The following TMEM63A variants were observed in gnomAD, a reference collection of about 807,000 sequenced individuals.
TMEM63A encodes transmembrane protein 63A.
Under a neutral mutation model 100.6 loss-of-function variants are expected in TMEM63A, and 76 were observed. The ratio of observed to expected loss-of-function variants is 0.76; its 90% confidence interval spans 0.63 to 0.91. The LOEUF (loss-of-function observed/expected upper bound fraction) is 0.91. Ranked by LOEUF, TMEM63A falls within the 40% of genes least tolerant of loss-of-function variation. TMEM63A has a pLI of 0.00. For missense variants in TMEM63A, 876 were observed against 1,008.8 expected, an observed-to-expected ratio of 0.87 and a Z score of 1.78; for synonymous variants, 401 against 401.1, an observed-to-expected ratio of 1.00 and a Z score of 0.00.
At chr1:225,850,744 C>T (rs1189534130) in intron 20 of TMEM63A, among the ~76,000 whole-genome samples, 1 of 152,146 alleles carries the variant, frequency 6.6e-6, no homozygotes, top group Non-Finnish European at 1.5e-5. Context: ...GAGACAGAGT[C>T]TCTGTTGCCC....
At chr1:225,849,101 T>G (rs565505276) in intron 21 of TMEM63A, 89 bp from the exon 22 acceptor site, 1 of 1,019,552 alleles carries the variant, frequency 9.8e-7, no homozygotes, top group East Asian at 2.7e-5. Context: ...GCACCTGGTG[T>G]GGAAACTGCC....
chr1:225,853,164 T>C lies in TMEM63A; in HGVS notation c.1798-395A>G, dbSNP rs1355524697. Among the ~76,000 whole-genome samples, 1 of 152,010 alleles carries C rather than the reference T, an allele frequency of 6.6e-6. No homozygotes were observed. The highest frequency in any genetic ancestry group is 6.6e-5 in the Admixed American group (1 of 15,260). Reference sequence around the variant, plus strand: ...GCTCATAAGGGGGCTGAGAATGAAATGAAGGAATGCAGCACTTCTCCCACT... The same window carrying C: ...GCTCATAAGGGGGCTGAGAATGAAACGAAGGAATGCAGCACTTCTCCCACT... On this transcript the variant is annotated intron_variant, in intron 19 of 24. Coordinates refer to ENST00000366835, the MANE Select transcript of TMEM63A (RefSeq NM_014698.3). This position sits in a 1 kb window ranked among gnomAD's most constrained non-coding sequence, Gnocchi z 4.0.
chr1:225,844,600 C>A, downstream of TMEM63A: 1 of 1,614,172 alleles, frequency 6.2e-7, no homozygotes, highest in South Asian at 1.1e-5. Context: ...TGGGACAGGG[C>A]TGGATGACCC....
rs1338929780 is a variant in TMEM63A at position 225,853,716 on chromosome 1, C to CA, written c.1709dup (p.Met570IlefsTer24). On this transcript the variant is annotated frameshift_variant, in exon 19 of 25. Coordinates refer to ENST00000366835, the MANE Select transcript of TMEM63A (RefSeq NM_014698.3). LOFTEE classifies it high-confidence loss of function. This position sits in a 1 kb window ranked among gnomAD's most constrained non-coding sequence, Gnocchi z 4.0. Reference sequence around the variant, plus strand: ...TGAGACCTGGCAGCCGCAGCAGCTCCATGCCATTGCCGATGAAGGCCGAGG... The same window carrying CA: ...TGAGACCTGGCAGCCGCAGCAGCTCCAATGCCATTGCCGATGAAGGCCGAGG... The CA allele has an allele frequency of 6.2e-7, 1 of 1,600,300 alleles. No homozygotes were observed. Among genetic ancestry groups the CA allele is most frequent in the Non-Finnish European group, 8.5e-7 (1 of 1,173,508 alleles).
Position 225,856,921 on chromosome 1 carries a change from G to A in TMEM63A, c.1474C>T (p.His492Tyr), listed in dbSNP as rs753026260. 6.2e-7 allele frequency: 1 copy of A among 1,610,944 alleles called. No individual in the cohort carries two copies. The highest frequency in any genetic ancestry group is 1.3e-5 in the African/African-American group (1 of 74,706). Reference sequence around the variant, plus strand: ...CTCCCGGGCACTCACTTGGTCCAGTGAGACTCCAGCAGTGTAGAGTAGTAG... The same window carrying A: ...CTCCCGGGCACTCACTTGGTCCAGTAAGACTCCAGCAGTGTAGAGTAGTAG... Reference protein sequence around the residue: ...IVYYSTLLESHWTKSGENQIM... With the variant: ...IVYYSTLLESYWTKSGENQIM... Residue 492 changes from histidine (H) to tyrosine (Y), a missense_variant, in exon 16 of 25, where the codon CAC becomes TAC. This residue lies in a region of TMEM63A where 487 missense variants were observed against 581.9 expected (regional missense o/e 0.84). Transcript: ENST00000366835.
In TMEM63A at chr1:225,856,066, G is replaced by A. The variant is rs1669596425; in HGVS notation, c.1572-126C>T. The A allele has an allele frequency of 1.2e-5, 11 of 919,798 alleles. No homozygotes were observed. In the South Asian group the frequency reaches 1.8e-4, roughly 15 times the overall value. 57.0% of individuals were successfully genotyped at this position (919,798 alleles called of 1,614,324 possible). ...GAGATTGACTTTTGTTCTCAACGATGCCACTTACTACGGCATGACCTGTCA... is the reference window on the plus strand; with the variant it reads ...GAGATTGACTTTTGTTCTCAACGATACCACTTACTACGGCATGACCTGTCA... On this transcript the variant is annotated intron_variant, in intron 17 of 24. Coordinates refer to ENST00000366835, the MANE Select transcript of TMEM63A (RefSeq NM_014698.3).
rs1424389534 is a variant in TMEM63A, at chr1:225,879,279, C to G, written c.-74G>C. 1.3e-5 allele frequency: 2 copies of G among 152,244 alleles called. No individual in the cohort carries two copies. The highest frequency in any genetic ancestry group is 4.8e-5 in the African/African-American group (2 of 41,428). 9.4% of individuals were successfully genotyped at this position (152,244 alleles called of 1,614,324 possible). On this transcript the variant is annotated 5_prime_UTR_variant, in exon 2 of 25. Coordinates refer to ENST00000366835, the MANE Select transcript of TMEM63A (RefSeq NM_014698.3). The stretch of plus-strand genomic sequence containing the variant: ...CCGTTGGAGAGGTCCTCAGTTGGAG[C>G]TGTCTCTGGCAAAGGCAAAAGCAGC...
downstream of TMEM63A, chr1:225,845,099 G>A (rs1315403553): frequency 5.0e-6 from 8 of 1,602,796 alleles, no homozygotes; most frequent in South Asian, 7.7e-5. Flanking sequence ...AGGACGGAGG[G>A]GCGCAGGGCC....
Position 225,862,882 on chromosome 1 carries a change from C to T in TMEM63A, c.747-31G>A, listed in dbSNP as rs781776489. 1.9e-6 allele frequency: 3 copies of T among 1,608,172 alleles called. No individual in the cohort carries two copies. Among genetic ancestry groups the T allele is most frequent in the Non-Finnish European group, 2.5e-6 (3 of 1,176,598 alleles). On this transcript the variant is annotated intron_variant, in intron 10 of 24. Coordinates refer to ENST00000366835, the MANE Select transcript of TMEM63A (RefSeq NM_014698.3). The surrounding 1 kb of genome is among the most constrained non-coding windows in gnomAD (Gnocchi z 5.1). The stretch of plus-strand genomic sequence containing the variant: ...GCCAGGGAGAGAAGGAGGCAAAAGA[C>T]ACCGTTGGAAAAGAAAACACCCCAA...
intron 6 of TMEM63A, among the ~76,000 whole-genome samples, chr1:225,869,765 C>T (rs1559048037): frequency 2.0e-5 from 3 of 148,658 alleles, no homozygotes; most frequent in South Asian, 2.1e-4. Flanking sequence ...CGGTTTCAAG[C>T]GATTCTCCTG....
Position 225,867,505 on chromosome 1 carries a change from T to C in TMEM63A, c.515-342A>G, listed in dbSNP as rs1277041053. 6.6e-6 allele frequency among the ~76,000 whole-genome samples: 1 copy of C among 152,244 alleles called. No individual in the cohort carries two copies. The highest frequency in any genetic ancestry group is 2.4e-5 in the African/African-American group (1 of 41,468). The stretch of plus-strand genomic sequence containing the variant: ...TGGTGGCATTTTGGAAGGTGGATTC[T>C]TGCAGTTGCCCTTAGATATAATGCC... On this transcript the variant is annotated intron_variant, in intron 7 of 24. Coordinates refer to ENST00000366835, the MANE Select transcript of TMEM63A (RefSeq NM_014698.3). This position sits in a 1 kb window ranked among gnomAD's most constrained non-coding sequence, Gnocchi z 4.6.
downstream of TMEM63A, chr1:225,844,767 T>G (rs1281451107): frequency 1.5e-6 from 2 of 1,365,802 alleles, no homozygotes; most frequent in Non-Finnish European, 2.0e-6. Flanking sequence ...ATGGGAACAC[T>G]AAAGGTCGAG....
intron 13 of TMEM63A, chr1:225,861,230 C>T (rs1480172433): frequency 1.1e-5 from 4 of 368,456 alleles, no homozygotes. Context: ...TCCCATTTTA[C>T]AGATAAGGAA....
At chr1:225,844,450 C>G (rs1668738937), downstream of TMEM63A, 1 of 1,603,742 alleles carries the variant, frequency 6.2e-7, no homozygotes, top group South Asian at 1.1e-5. Context: ...CTTTGTCACA[C>G]AACTGCATGT....
chr1:225,845,431 A>G (rs553619695), downstream of TMEM63A: 24 of 1,439,174 alleles, frequency 1.7e-5, no homozygotes, highest in African/African-American at 3.2e-4. Context: ...TTTCTGAGGA[A>G]TGAGTTTGCC....
intron 17 of TMEM63A, 128 bp downstream of exon 17, chr1:225,856,524 G>A: frequency 1.2e-6 from 1 of 831,650 alleles, no homozygotes; most frequent in Non-Finnish European, 1.9e-6. Context: ...CACGCCGAGT[G>A]GTTGCGACAG....
In TMEM63A at chr1:225,874,315, C is replaced by A. The variant is rs371902873; in HGVS notation, c.239G>T (p.Arg80Leu). The A allele has an allele frequency of 3.7e-6, 6 of 1,614,014 alleles. No individual in the cohort carries two copies. The highest frequency in any genetic ancestry group is 5.1e-6 in the Non-Finnish European group (6 of 1,180,004). The change falls in exon 4 of 25, where the codon CGC becomes CTC. Residue 80 changes from arginine (R) to leucine (L), a missense_variant. Physicochemically the swap from Arg to Leu is moderately radical, Grantham distance 102. Coordinates refer to ENST00000366835, the MANE Select transcript of TMEM63A (RefSeq NM_014698.3). ...IIRRRFWDYG[R>L]IALVSEADSE... Reference sequence around the variant, plus strand: ...GTCTGCTTCTGACACCAGGGCAATGCGGCCATAGTCCCAGAATCTTCTTCT... The same window carrying A: ...GTCTGCTTCTGACACCAGGGCAATGAGGCCATAGTCCCAGAATCTTCTTCT...
At chr1:225,870,065 C>A (rs966713246) in intron 6 of TMEM63A, among the ~76,000 whole-genome samples, 1 of 151,974 alleles carries the variant, frequency 6.6e-6, no homozygotes, top group Non-Finnish European at 1.5e-5. Flanking sequence ...TAACATGCAC[C>A]TGGGCCGGGC....
chr1:225,863,260 T>A (rs940225277), intron 10 of TMEM63A, among the ~76,000 whole-genome samples: 2 of 152,188 alleles, frequency 1.3e-5, no homozygotes, highest in African/African-American at 4.8e-5. Context: ...TTGCCCAGGC[T>A]GATTTCGAAC....
Sources: allele counts gnomAD v4.1 joint callset (sites outside exome capture counted in the v4.1 genomes callset), GRCh38; gene constraint gnomAD v4.1.1; regional missense constraint gnomAD v4.1.1; non-coding constraint Gnocchi (gnomAD v3.1); transcripts MANE v1.5; gene names NCBI Gene and HGNC (gene_info 2026-07-23, HGNC 2026-07-21).